The following CACNA1D variants were observed in gnomAD, a reference collection of about 807,000 sequenced individuals.
CACNA1D encodes the protein voltage-dependent L-type calcium channel subunit alpha-1D.
In CACNA1D, 55 loss-of-function variants were observed where a neutral mutation model predicts 257.1. The observed-to-expected ratio is 0.21, with a 90% CI of 0.17 to 0.27. The LOEUF (loss-of-function observed/expected upper bound fraction) is 0.27, where lower values mean the gene tolerates loss of function less well. Ranked by LOEUF, CACNA1D falls within the 10% of genes least tolerant of loss-of-function variation. The probability of loss-of-function intolerance (pLI) is 1.00; values close to 1 mark genes in which losing one functional copy is unlikely to be tolerated. For synonymous variants in CACNA1D, 980 were observed against 1,014.9 expected, an observed-to-expected ratio of 0.97 and a Z score of 0.65; for missense variants, 1,876 against 2,784.0, an observed-to-expected ratio of 0.67 and a Z score of 7.34.
chr3:53,737,545 G>A (rs764152995), intron 20 of CACNA1D, among the ~76,000 whole-genome samples: 6 of 152,092 alleles, frequency 3.9e-5, no homozygotes, highest in African/African-American at 1.2e-4. Flanking sequence ...TCAAGGGACC[G>A]GGAGCAGTGG....
chr3:53,790,851 G>T, intron 40 of CACNA1D: 1 of 644,374 alleles, frequency 1.6e-6, no homozygotes, highest in Non-Finnish European at 2.8e-6. Flanking sequence ...GTTTTGTTTT[G>T]TTATTTTTTT....
intron 25 of CACNA1D, among the ~76,000 whole-genome samples, chr3:53,746,366 A>G (rs1052007225): frequency 3.3e-5 from 5 of 152,066 alleles, no homozygotes; most frequent in African/African-American, 9.7e-5. Flanking sequence ...CCTATTACCT[A>G]CATCTTGGCC....
intron 3 of CACNA1D, among the ~76,000 whole-genome samples, chr3:53,511,817 T>C (rs1284878436): frequency 6.6e-6 from 1 of 152,166 alleles, no homozygotes; most frequent in African/African-American, 2.4e-5. Context: ...GCTAACTTGG[T>C]TTAACTCAAA....
rs757425708 is a variant in CACNA1D at position 53,810,279 on chromosome 3, C to T, written c.6173C>T (p.Ala2058Val). Residue 2058 changes from alanine to valine, a missense_variant, in exon 47 of 48, where the codon GCG (alanine) becomes GTG (valine). Ala to Val is a moderately conservative substitution (Grantham distance 64). This residue lies in a region of CACNA1D where 491 missense variants were observed against 554.3 expected (regional missense o/e 0.89). Coordinates refer to ENST00000350061, the MANE Select transcript of CACNA1D (RefSeq NM_001128840.3). ...RNKNSDKQRSADSLVEAVLIS... is the reference protein window; with the variant it reads ...RNKNSDKQRSVDSLVEAVLIS... ...AAAAACAGCGACAAGCAGAGGAGTG[C>T]GGACAGCTTGGTGGAGGCAGTGAGT... is the stretch of plus-strand genomic sequence containing the variant. The T allele has an allele frequency of 2.5e-6, 4 of 1,613,588 alleles. No individual in the cohort carries two copies. Among genetic ancestry groups the T allele is most frequent in the African/African-American group, 2.7e-5 (2 of 74,904 alleles).
intron 9 of CACNA1D, among the ~76,000 whole-genome samples, chr3:53,710,227 C>T (rs555831869): frequency 2.6e-5 from 4 of 152,316 alleles, no homozygotes; most frequent in Non-Finnish European, 4.4e-5. Context: ...ACTTCCTCTC[C>T]GCTGTTCTGA....
intron 3 of CACNA1D, among the ~76,000 whole-genome samples, chr3:53,632,304 C>T (rs2093830388): frequency 6.6e-6 from 1 of 152,224 alleles, no homozygotes; most frequent in Non-Finnish European, 1.5e-5. Flanking sequence ...GAACTAAGCC[C>T]TGCTAGCTTC....
At chr3:53,754,194 T>C (rs2095247261) in intron 29 of CACNA1D, among the ~76,000 whole-genome samples, 1 of 152,254 alleles carries the variant, frequency 6.6e-6, no homozygotes, top group African/African-American at 2.4e-5. Flanking sequence ...ATCTTTTGTT[T>C]GCTTAATTTA....
At chr3:53,718,688 G>T in intron 10 of CACNA1D, 1 of 1,557,180 alleles carries the variant, frequency 6.4e-7, no homozygotes. Flanking sequence ...TTAGGTGCTG[G>T]TGGAGACGGA....
rs1215876645 is a variant in CACNA1D at position 53,504,048 on chromosome 3, G to GT, written c.483+2334dup. On this transcript the variant is annotated intron_variant, in intron 3 of 47. Coordinates refer to ENST00000350061, the MANE Select transcript of CACNA1D (RefSeq NM_001128840.3). ...TGTTGGTCCTCCCATGAGGGAGCTG[G>GT]TTTTTTGTTTTTTTTTTTTTAAATA... 4.8e-5 allele frequency among the ~76,000 whole-genome samples: 7 copies of GT among 146,894 alleles called. No homozygotes were observed. The East Asian group carries it at 6.1e-4, about 13-fold the overall frequency.
intron 8 of CACNA1D, among the ~76,000 whole-genome samples, chr3:53,693,458 GT>G (rs2094546438): frequency 7.6e-6 from 1 of 131,598 alleles, no homozygotes; most frequent in African/African-American, 3.0e-5. Flanking sequence ...ACACATTGCT[GT>G]TATTTTTTTT....
At chr3:53,539,037 G>A (rs756896891) in intron 3 of CACNA1D, among the ~76,000 whole-genome samples, 6 of 151,938 alleles carry the variant, frequency 3.9e-5, no homozygotes, top group African/African-American at 9.7e-5. Flanking sequence ...GACAAAATAC[G>A]TCCCTAAGCA....
intron 3 of CACNA1D, among the ~76,000 whole-genome samples, chr3:53,593,473 G>A (rs1339637609): frequency 6.6e-6 from 1 of 152,122 alleles, no homozygotes; most frequent in Non-Finnish European, 1.5e-5. Context: ...ATGTGTGAGT[G>A]GTAAATACTT....
intron 32 of CACNA1D, 104 bp downstream of exon 32, chr3:53,770,656 C>A: frequency 9.7e-7 from 1 of 1,029,366 alleles, no homozygotes; most frequent in Non-Finnish European, 1.5e-6. Flanking sequence ...TGTGGCCACT[C>A]TGTGGACCTA....
rs114521059 is a variant in CACNA1D at position 53,601,493 on chromosome 3, A to C, written c.484-49286A>C. ...ATTCTAAAAGTCCTGGGATTTTATAATTCCTGGGATTCTAAAATTAGCTGG... is the reference window on the plus strand; with the variant it reads ...ATTCTAAAAGTCCTGGGATTTTATACTTCCTGGGATTCTAAAATTAGCTGG... On this transcript the variant is annotated intron_variant, in intron 3 of 47. Transcript: ENST00000350061. Among the ~76,000 whole-genome samples, 768 of 152,250 alleles carry C rather than the reference A, an allele frequency of 5.0e-3. 7 individuals are homozygous for C. The highest frequency in any genetic ancestry group is 0.018 in the African/African-American group (736 of 41,542).
chr3:53,667,593 A>G (rs1039459124), intron 7 of CACNA1D, among the ~76,000 whole-genome samples: 1 of 152,238 alleles, frequency 6.6e-6, no homozygotes, highest in Non-Finnish European at 1.5e-5. Context: ...CCTATACTCC[A>G]TAACTTCAAA....
Position 53,718,386 on chromosome 3 carries a change from C to A in CACNA1D, c.1476C>A (p.Leu492=). ...AGAACCGAGGCTGCTGTGGAAGTCT[C>A]TGGTGAGTGTGGGGAGCACTTGCCC... is the stretch of plus-strand genomic sequence containing the variant. ...EGENRGCCGS[L]CQAISKSKLS... is the part of the protein sequence containing the mutation. The change falls in exon 10 of 48, where the codon CTC becomes CTA. Residue 492 remains leucine (L), a splice_region_variant and synonymous_variant. Coordinates refer to ENST00000350061, the MANE Select transcript of CACNA1D (RefSeq NM_001128840.3). 1 of 1,613,750 alleles carries A rather than the reference C, an allele frequency of 6.2e-7. No individual in the cohort carries two copies. The highest frequency in any genetic ancestry group is 1.1e-5 in the South Asian group (1 of 91,070).
At chr3:53,728,916 A>T (rs886431044) in intron 15 of CACNA1D, among the ~76,000 whole-genome samples, 1 of 152,152 alleles carries the variant, frequency 6.6e-6, no homozygotes, top group African/African-American at 2.4e-5. Flanking sequence ...AATACAGATG[A>T]TGGATTTTGC....
chr3:53,579,479 C>G (rs1382907185), intron 3 of CACNA1D, among the ~76,000 whole-genome samples: 2 of 152,136 alleles, frequency 1.3e-5, no homozygotes, highest in African/African-American at 4.8e-5. Context: ...AAAACCTTAT[C>G]ATTTAGGACA....
intron 8 of CACNA1D, among the ~76,000 whole-genome samples, chr3:53,682,704 A>T (rs915991560): frequency 6.6e-6 from 1 of 152,200 alleles, no homozygotes; most frequent in African/African-American, 2.4e-5. Flanking sequence ...AAATCTGCAT[A>T]TGAAAATCAC....
Sources: allele counts gnomAD v4.1 joint callset (sites outside exome capture counted in the v4.1 genomes callset), GRCh38; gene constraint gnomAD v4.1.1; regional missense constraint gnomAD v4.1.1; transcripts MANE v1.5; gene names NCBI Gene and HGNC (gene_info 2026-07-23, HGNC 2026-07-21).